Variants in GHR observed in about 807,000 individuals in gnomAD.
The protein encoded by GHR is GH receptor.
In GHR, 35 loss-of-function variants were observed where a neutral mutation model predicts 67.1. That is an observed-to-expected ratio of 0.52 (90% confidence interval 0.40 to 0.69). GHR has a LOEUF of 0.69. Ranked by LOEUF, GHR falls within the 30% of genes least tolerant of loss-of-function variation. The pLI is 0.00. For missense variants in GHR, 792 were observed against 764.6 expected (o/e 1.04, Z -0.42); for synonymous variants, 272 against 269.1 (o/e 1.01, Z -0.10).
At chr5:42,629,006 T>G (rs1753831191) in intron 2 of GHR, 32 bp from the exon 3 acceptor site, 1 of 1,184,570 alleles carries the variant, frequency 8.4e-7, no homozygotes, top group Admixed American at 1.8e-5. Context: ...TTGATGGGGA[T>G]GACTAATGGT....
chr5:42,696,468 A>G (rs944904993), intron 5 of GHR, among the ~76,000 whole-genome samples: 23 of 152,192 alleles, frequency 1.5e-4, no homozygotes, highest in African/African-American at 4.3e-4. Flanking sequence ...TAAAAAAGTG[A>G]TGACCCACAG....
intron 1 of GHR, among the ~76,000 whole-genome samples, chr5:42,432,899 G>C (rs1743156795): frequency 6.6e-6 from 1 of 151,870 alleles, no homozygotes; most frequent in Admixed American, 6.6e-5. Context: ...TATTTTGCAG[G>C]TGGCCTTAAT....
At chr5:42,556,125 G>C (rs988583487) in intron 1 of GHR, among the ~76,000 whole-genome samples, 7 of 152,152 alleles carry the variant, frequency 4.6e-5, no homozygotes, top group African/African-American at 1.7e-4. Context: ...TAAAAGGAAA[G>C]AGGGGTTTCC....
intron 1 of GHR, among the ~76,000 whole-genome samples, chr5:42,474,456 T>C (rs990343386): frequency 6.6e-6 from 1 of 152,152 alleles, no homozygotes; most frequent in African/African-American, 2.4e-5. Context: ...TGCTGTCTGG[T>C]GAGTAGTCAG....
rs769262911 is a variant in GHR at position 42,694,930 on chromosome 5, T to A, written c.280T>A (p.Trp94Arg). The A allele has an allele frequency of 1.2e-6, 2 of 1,609,602 alleles. No individual in the cohort carries two copies. Among genetic ancestry groups the A allele is most frequent in the Non-Finnish European group, 1.7e-6 (2 of 1,176,672 alleles). The change falls in exon 5 of 10, where the codon TGG (tryptophan) becomes AGG (arginine). Residue 94 changes from tryptophan (W) to arginine (R), a missense_variant. Transcript: ENST00000230882. Reference protein sequence around the residue: ...LFYTRRNTQEWTQEWKECPDY... With the variant: ...LFYTRRNTQERTQEWKECPDY... ...CCTTCATTTTAGGAACACTCAAGAA[T>A]GGACTCAAGAATGGAAAGAATGCCC...
intron 3 of GHR, among the ~76,000 whole-genome samples, chr5:42,636,109 C>G (rs1257846398): frequency 6.7e-6 from 1 of 148,912 alleles, no homozygotes; most frequent in Non-Finnish European, 1.5e-5. Context: ...ACTTGGGAGG[C>G]TGAGGCAGGA....
At chr5:42,455,356 C>T (rs755118687) in intron 1 of GHR, among the ~76,000 whole-genome samples, 10 of 152,094 alleles carry the variant, frequency 6.6e-5, no homozygotes, top group Non-Finnish European at 1.2e-4. Flanking sequence ...TCTGAGTCTC[C>T]ACACACTGTT....
chr5:42,462,159 C>T (rs17636762), intron 1 of GHR, among the ~76,000 whole-genome samples: 41,165 of 152,034 alleles, frequency 0.27, 6,029 homozygotes, highest in African/African-American at 0.33. Flanking sequence ...ATATAGACAC[C>T]GAATTTAACG....
intron 3 of GHR, among the ~76,000 whole-genome samples, chr5:42,677,913 T>C (rs931886622): frequency 1.3e-5 from 2 of 152,176 alleles, no homozygotes; most frequent in Non-Finnish European, 2.9e-5. Context: ...CAGGATGAAA[T>C]TTCAAATTAG....
At chr5:42,613,729 G>A (rs1016195858) in intron 2 of GHR, among the ~76,000 whole-genome samples, 3 of 152,046 alleles carry the variant, frequency 2.0e-5, no homozygotes, top group Non-Finnish European at 4.4e-5. Context: ...AAAATGTTAA[G>A]GTAATCCTTT....
intron 1 of GHR, among the ~76,000 whole-genome samples, chr5:42,563,931 G>C (rs993514658): frequency 1.4e-4 from 22 of 152,100 alleles, no homozygotes; most frequent in African/African-American, 5.3e-4. Flanking sequence ...TGATTACATA[G>C]CCTGTTCACC....
At position 42,570,631 on chromosome 5, in the gene GHR, T is replaced by C. The variant is rs1579960143; in HGVS notation, c.70+4687T>C. 2.0e-5 allele frequency among the ~76,000 whole-genome samples: 3 copies of C among 152,176 alleles called. No homozygotes were observed. In the East Asian group the frequency reaches 5.8e-4, roughly 29 times the overall value. On this transcript the variant is annotated intron_variant, in intron 2 of 9. Coordinates refer to ENST00000230882, the MANE Select transcript of GHR (RefSeq NM_000163.5). ...CAGTTCTACTAGCTTCAAACAATCC[T>C]TCTTCAGCCTGCAGAGTAGTTGGCA...
intron 2 of GHR, among the ~76,000 whole-genome samples, chr5:42,567,767 C>CTGTGTGTGTG (rs68150223): frequency 2.6e-4 from 36 of 140,814 alleles, no homozygotes; most frequent in Admixed American, 3.6e-4. Flanking sequence ...ATGCTTGGCT[C>CTGTGTGTGTG]TGTGTGTGTG....
chr5:42,541,847 G>A, intron 1 of GHR, among the ~76,000 whole-genome samples: 1 of 152,192 alleles, frequency 6.6e-6, no homozygotes, highest in South Asian at 2.1e-4. Context: ...AAAGATGAAG[G>A]TGATATTTAC....
intron 1 of GHR, among the ~76,000 whole-genome samples, chr5:42,469,118 GGAAA>G (rs746977749): frequency 6.6e-6 from 1 of 152,200 alleles, no homozygotes; most frequent in African/African-American, 2.4e-5. Context: ...TCTTGTTCTG[GGAAA>G]GAGAGACAGT....
At chr5:42,566,935 G>T (rs1749975879) in intron 2 of GHR, among the ~76,000 whole-genome samples, 1 of 152,146 alleles carries the variant, frequency 6.6e-6, no homozygotes, top group Non-Finnish European at 1.5e-5. Flanking sequence ...CTTAGAAAAT[G>T]AGAAGAGTAA....
At chr5:42,559,603 T>C (rs1209957059) in intron 1 of GHR, among the ~76,000 whole-genome samples, 2 of 152,146 alleles carry the variant, frequency 1.3e-5, no homozygotes, top group African/African-American at 2.4e-5. Context: ...ATTGGAGGCC[T>C]ACTATATATA....
At chr5:42,671,682 C>T (rs368494304) in intron 3 of GHR, among the ~76,000 whole-genome samples, 4 of 149,048 alleles carry the variant, frequency 2.7e-5, no homozygotes, top group Admixed American at 6.7e-5. Context: ...GGCGGCCGGG[C>T]GCGGTGGCTC....
chr5:42,520,883 A>C (rs910408281), intron 1 of GHR, among the ~76,000 whole-genome samples: 9 of 152,124 alleles, frequency 5.9e-5, no homozygotes, highest in Non-Finnish European at 1.2e-4. Context: ...CTCTGACCTG[A>C]AGTTACATAT....
Sources: gnomAD v4.1 joint callset for allele counts (sites outside exome capture counted in the v4.1 genomes callset) on GRCh38, gnomAD v4.1.1 for gene constraint, MANE v1.5 for transcripts, NCBI Gene and HGNC (gene_info 2026-07-23, HGNC 2026-07-21) for gene names.